The following NAT8L variants were observed in gnomAD, a reference collection of about 807,000 sequenced individuals.
NAT8L encodes N-acetylaspartate synthetase.
NAT8L carries 6 observed loss-of-function variants against 21.2 expected under a neutral mutation model. The observed-to-expected ratio is 0.28, with a 90% CI of 0.16 to 0.56. The LOEUF is 0.56. Among genes scored for constraint, NAT8L ranks in the 20% least tolerant of loss-of-function variants. NAT8L has a pLI of 0.93. For missense variants in NAT8L, 331 were observed against 433.3 expected (o/e 0.76, Z 2.10); for synonymous variants, 239 against 204.9 (o/e 1.17, Z -1.42).
In NAT8L at chr4:2,060,991, C is replaced by A; in HGVS notation, c.377-7C>A. On this transcript the variant is annotated splice_region_variant and splice_polypyrimidine_tract_variant and intron_variant, in intron 1 of 2. Coordinates refer to ENST00000423729, the MANE Select transcript of NAT8L (RefSeq NM_178557.4). The surrounding 1 kb of genome is among the most constrained non-coding windows in gnomAD (Gnocchi z 4.7). Reference sequence around the variant, plus strand: ...CCGCGCCGCTGACCCGCGCCCTCTGCCCCCAGCGCTGTGCTTCGCCGTGAG... The same window carrying A: ...CCGCGCCGCTGACCCGCGCCCTCTGACCCCAGCGCTGTGCTTCGCCGTGAG... 6.0e-6 allele frequency: 9 copies of A among 1,499,708 alleles called. No individual in the cohort carries two copies. The highest frequency in any genetic ancestry group is 7.3e-6 in the Non-Finnish European group (8 of 1,103,424). 92.9% of individuals were successfully genotyped at this position (1,499,708 alleles called of 1,614,324 possible).
In NAT8L at chr4:2,059,497, C is replaced by T. The variant is rs1729809546; in HGVS notation, c.-15C>T. ...CCCGGCCGCGTCCCCGCTGCCGCGC[C>T]GCCCGGCCGGGTGCATGCATTGTGG... On this transcript the variant is annotated 5_prime_UTR_variant, in exon 1 of 3. Coordinates refer to ENST00000423729, the MANE Select transcript of NAT8L (RefSeq NM_178557.4). This position sits in a 1 kb window ranked among gnomAD's most constrained non-coding sequence, Gnocchi z 4.8. 15 of 980,008 alleles carry T rather than the reference C, an allele frequency of 1.5e-5. No individual in the cohort carries two copies. Among genetic ancestry groups the T allele is most frequent in the Non-Finnish European group, 1.8e-5 (15 of 826,790 alleles). 60.7% of individuals were successfully genotyped at this position (980,008 alleles called of 1,614,324 possible).
rs1444965717 is a variant in NAT8L, at chr4:2,060,559, C to T, written c.377-439C>T. On this transcript the variant is annotated intron_variant, in intron 1 of 2. Coordinates refer to ENST00000423729, the MANE Select transcript of NAT8L (RefSeq NM_178557.4). This position sits in a 1 kb window ranked among gnomAD's most constrained non-coding sequence, Gnocchi z 4.7. ...TCCCGGACGCTGGCCAGGAAGGGCT[C>T]TTGCTGGGGCCCTGGGAAGAGGGGG... Among the ~76,000 whole-genome samples the T allele has an allele frequency of 5.3e-5, 8 of 152,294 alleles. No individual in the cohort carries two copies. In the East Asian group the frequency reaches 1.6e-3, roughly 30 times the overall value.
In NAT8L at chr4:2,064,168, C is replaced by T. The variant is rs535937827; in HGVS notation, c.*41C>T. ...CGCCCGCCCCCCCGGCCGCCCTGTC[C>T]GCCTTTGCCCGCCTGCCCGCCGCCC... On this transcript the variant is annotated 3_prime_UTR_variant, in exon 3 of 3. Transcript: ENST00000423729. The T allele has an allele frequency of 1.2e-4, 152 of 1,258,580 alleles. No homozygotes were observed. In the East Asian group the frequency reaches 2.3e-3, roughly 19 times the overall value. The allele number at this position is 1,258,580 out of a possible 1,614,324, so 78.0% of individuals were successfully genotyped here. A position where few individuals can be genotyped will look rare whatever the true frequency, so the allele number is the denominator to read the frequency against.
intron 2 of NAT8L, among the ~76,000 whole-genome samples, chr4:2,062,775 C>T (rs780684184): frequency 1.3e-5 from 2 of 152,142 alleles, no homozygotes; most frequent in African/African-American, 2.4e-5. Context: ...GAGGGCTTCC[C>T]GGGGCTCGGG....
In NAT8L at chr4:2,059,638, C is replaced by G. The variant is rs1257282508; in HGVS notation, c.127C>G (p.Pro43Ala). 1.0e-6 allele frequency: 1 copy of G among 971,908 alleles called. No homozygotes were observed. Among genetic ancestry groups the G allele is most frequent in the Non-Finnish European group, 1.2e-6 (1 of 820,472 alleles). The allele number at this position is 971,908 out of a possible 1,614,324, so 60.2% of individuals were successfully genotyped here. Reference protein sequence around the residue: ...AAAGAMWPPLPAAPGPAAAPP... With the variant: ...AAAGAMWPPLAAAPGPAAAPP... ...CGCCGGCGCCATGTGGCCCCCGCTG[C>G]CCGCCGCGCCCGGGCCGGCCGCCGC... is the stretch of plus-strand genomic sequence containing the variant. The change falls in exon 1 of 3, where the codon CCC (proline) becomes GCC (alanine). Residue 43 changes from proline (P) to alanine (A), a missense_variant. Around this residue, in one of 2 missense-constraint regions of NAT8L, gnomAD observed 199 missense variants for 196.1 expected, o/e 1.01. Transcript: ENST00000423729. This position sits in a 1 kb window ranked among gnomAD's most constrained non-coding sequence, Gnocchi z 4.8.
Position 2,068,817 on chromosome 4 carries a change from AG to A in NAT8L, c.*4693del, listed in dbSNP as rs889525320. The A allele has an allele frequency of 6.6e-6, 1 of 152,068 alleles. No homozygotes were observed. Among genetic ancestry groups the A allele is most frequent in the African/African-American group, 2.4e-5 (1 of 41,358 alleles). The allele number at this position is 152,068 out of a possible 1,614,324, so 9.4% of individuals were successfully genotyped here. A position where few individuals can be genotyped will look rare whatever the true frequency, so the allele number is the denominator to read the frequency against. ...CCTCAGTGGAGCAGGGCCTGGGTGG[AG>A]GGCCTGGGCAGCTCCAGGGCAGGTC... On this transcript the variant is annotated 3_prime_UTR_variant, in exon 3 of 3. Transcript: ENST00000423729.
rs1162422876 is a variant in NAT8L, at chr4:2,060,440, G to C, written c.376+553G>C. Among the ~76,000 whole-genome samples the C allele has an allele frequency of 1.3e-5, 2 of 152,172 alleles. No individual in the cohort carries two copies. The highest frequency in any genetic ancestry group is 2.9e-5 in the Non-Finnish European group (2 of 68,010). ...TTTTACAGATGAGGCGCTTGAGGCC[G>C]CGTAGGGAGGACGCGACTCCCCCAA... On this transcript the variant is annotated intron_variant, in intron 1 of 2. Coordinates refer to ENST00000423729, the MANE Select transcript of NAT8L (RefSeq NM_178557.4). This position sits in a 1 kb window ranked among gnomAD's most constrained non-coding sequence, Gnocchi z 4.7.
rs1577669603 is a variant in NAT8L, at chr4:2,066,423, G to A, written c.*2296G>A. The stretch of plus-strand genomic sequence containing the variant: ...GCCCCTGAGGTGAGCAGAGGCACTG[G>A]TGTGCCTGCCAGGCTGGGGCGGAGC... On this transcript the variant is annotated 3_prime_UTR_variant, in exon 3 of 3. Coordinates refer to ENST00000423729, the MANE Select transcript of NAT8L (RefSeq NM_178557.4). The A allele has an allele frequency of 6.6e-6, 1 of 152,376 alleles. No homozygotes were observed. The highest frequency in any genetic ancestry group is 1.9e-4 in the East Asian group (1 of 5,166). 9.4% of individuals were successfully genotyped at this position (152,376 alleles called of 1,614,324 possible).
At position 2,059,736 on chromosome 4, in the gene NAT8L, G is replaced by C. The variant is rs866410584; in HGVS notation, c.225G>C (p.Gly75=). The change falls in exon 1 of 3, where the codon GGG becomes GGC. Residue 75 remains glycine (G), a synonymous_variant. Transcript: ENST00000423729. This position sits in a 1 kb window ranked among gnomAD's most constrained non-coding sequence, Gnocchi z 4.8. ...GGAGGAGPPG[G]RGVCIREFRA... ...CGGGGGGCGCGGGGCCGCCGGGGGG[G>C]CGCGGCGTGTGCATCCGCGAGTTCC... is the stretch of plus-strand genomic sequence containing the variant. 4.2e-6 allele frequency: 5 copies of C among 1,202,100 alleles called. No homozygotes were observed. The African/African-American group carries it at 4.9e-5, about 12-fold the overall frequency. 74.5% of individuals were successfully genotyped at this position (1,202,100 alleles called of 1,614,324 possible).
At chr4:2,061,383 C>T (rs1729886749) in intron 2 of NAT8L, among the ~76,000 whole-genome samples, 2 of 152,342 alleles carry the variant, frequency 1.3e-5, no homozygotes, top group East Asian at 1.9e-4. Flanking sequence ...GCTGGCCCTG[C>T]GACGCAGTGG....
Position 2,064,300 on chromosome 4 carries a change from T to C in NAT8L, c.*173T>C. 1 of 308,344 alleles carries C rather than the reference T, an allele frequency of 3.2e-6. No homozygotes were observed. Among genetic ancestry groups the C allele is most frequent in the Non-Finnish European group, 5.4e-6 (1 of 185,618 alleles). The allele number at this position is 308,344 out of a possible 1,614,324, so 19.1% of individuals were successfully genotyped here. On this transcript the variant is annotated 3_prime_UTR_variant, in exon 3 of 3. Transcript: ENST00000423729. Reference sequence around the variant, plus strand: ...CCGGGGGGTGCGGGGCTGTTGTTCTTCGGCGACACTTTGGTGGGGGTGGGT... The same window carrying C: ...CCGGGGGGTGCGGGGCTGTTGTTCTCCGGCGACACTTTGGTGGGGGTGGGT...
chr4:2,063,722 T>C, intron 2 of NAT8L, 38 bp from the exon 3 acceptor site: 1 of 1,606,264 alleles, frequency 6.2e-7, no homozygotes, highest in Non-Finnish European at 8.5e-7. Flanking sequence ...TCCCCAGCCT[T>C]CCTCACCGGG....
rs1560943972 is a variant in NAT8L, at chr4:2,060,924, G to A, written c.377-74G>A. 9.0e-6 allele frequency: 7 copies of A among 775,094 alleles called. No homozygotes were observed. In the Admixed American group the frequency reaches 1.1e-4, roughly 12 times the overall value. 48.0% of individuals were successfully genotyped at this position (775,094 alleles called of 1,614,324 possible). Reference sequence around the variant, plus strand: ...CGCGGCCGGGCGCGGCGTCCCTAGCGGGCTTCGCCGGGGTGGCGTCTCTGG... The same window carrying A: ...CGCGGCCGGGCGCGGCGTCCCTAGCAGGCTTCGCCGGGGTGGCGTCTCTGG... On this transcript the variant is annotated intron_variant, in intron 1 of 2. Transcript: ENST00000423729. This position sits in a 1 kb window ranked among gnomAD's most constrained non-coding sequence, Gnocchi z 4.7.
chr4:2,063,712 TC>T, intron 2 of NAT8L, 47 bp from the exon 3 acceptor site: 2 of 1,603,798 alleles, frequency 1.2e-6, no homozygotes. Context: ...TGGAGGGGTC[TC>T]CCCAGCCTTC....
Position 2,063,800 on chromosome 4 carries a change from G to A in NAT8L, c.582G>A (p.Val194=). The change falls in exon 3 of 3, where the codon GTG becomes GTA. Residue 194 remains valine, a synonymous_variant. Transcript: ENST00000423729. ...TGGCCGTGCTGGATGGCAACGTGGT[G>A]GGCATTGTGGCTGCACGGGCCCACG... ...FWVAVLDGNV[V]GIVAARAHEE... The A allele has an allele frequency of 1.2e-6, 2 of 1,612,312 alleles. No individual in the cohort carries two copies. The highest frequency in any genetic ancestry group is 2.2e-5 in the South Asian group (2 of 91,086).
chr4:2,063,979 C>T lies in NAT8L; in HGVS notation c.761C>T (p.Ala254Val). The T allele has an allele frequency of 6.2e-7, 1 of 1,611,608 alleles. No individual in the cohort carries two copies. Reference protein sequence around the residue: ...VVLGTTAVKVAAHKLYESLGF... With the variant: ...VVLGTTAVKVVAHKLYESLGF... ...CTGGGCACGACGGCCGTCAAGGTGG[C>T]CGCCCACAAGCTCTACGAGTCGCTG... The change falls in exon 3 of 3, where the codon GCC (alanine) becomes GTC (valine). Residue 254 changes from alanine to valine, a missense_variant. Coordinates refer to ENST00000423729, the MANE Select transcript of NAT8L (RefSeq NM_178557.4).
At position 2,064,067 on chromosome 4, in the gene NAT8L, T is replaced by C. The variant is rs1246666872; in HGVS notation, c.849T>C (p.Ala283=). ...YVLPGMTLSL[A]ERLFFQVRYH... ...TGCCGGGCATGACCCTCTCGCTGGCTGAGCGCCTCTTCTTCCAGGTCCGCT... is the reference window on the plus strand; with the variant it reads ...TGCCGGGCATGACCCTCTCGCTGGCCGAGCGCCTCTTCTTCCAGGTCCGCT... The change falls in exon 3 of 3, where the codon GCT becomes GCC. Residue 283 remains alanine (A), a synonymous_variant. Transcript: ENST00000423729. 3 of 1,609,420 alleles carry C rather than the reference T, an allele frequency of 1.9e-6. No homozygotes were observed. Among genetic ancestry groups the C allele is most frequent in the South Asian group, 1.1e-5 (1 of 90,928 alleles).
At position 2,067,019 on chromosome 4, in the gene NAT8L, A is replaced by C. The variant is rs932247175; in HGVS notation, c.*2892A>C. 4 of 152,418 alleles carry C rather than the reference A, an allele frequency of 2.6e-5. No homozygotes were observed. The highest frequency in any genetic ancestry group is 5.9e-5 in the Non-Finnish European group (4 of 68,204). The allele number at this position is 152,418 out of a possible 1,614,324, so 9.4% of individuals were successfully genotyped here. A position where few individuals can be genotyped will look rare whatever the true frequency, so the allele number is the denominator to read the frequency against. On this transcript the variant is annotated 3_prime_UTR_variant, in exon 3 of 3. Coordinates refer to ENST00000423729, the MANE Select transcript of NAT8L (RefSeq NM_178557.4). Reference sequence around the variant, plus strand: ...CCTCGGGATGCCCCACACTGCCCAGAGCCACGGGTCTTGCTGTGCTGGGGG... The same window carrying C: ...CCTCGGGATGCCCCACACTGCCCAGCGCCACGGGTCTTGCTGTGCTGGGGG...
In NAT8L at chr4:2,067,073, C is replaced by G. The variant is rs2108682236; in HGVS notation, c.*2946C>G. On this transcript the variant is annotated 3_prime_UTR_variant, in exon 3 of 3. Coordinates refer to ENST00000423729, the MANE Select transcript of NAT8L (RefSeq NM_178557.4). Reference sequence around the variant, plus strand: ...GGTGGCCCCAGGCAGCTGCCACTGCCCAGGTGTGAGTCGCTGCAGACCTGG... The same window carrying G: ...GGTGGCCCCAGGCAGCTGCCACTGCGCAGGTGTGAGTCGCTGCAGACCTGG... The G allele has an allele frequency of 6.6e-6, 1 of 152,652 alleles. No homozygotes were observed. Among genetic ancestry groups the G allele is most frequent in the East Asian group, 1.9e-4 (1 of 5,196 alleles). The allele number at this position is 152,652 out of a possible 1,614,324, so 9.5% of individuals were successfully genotyped here.
Sources: allele counts gnomAD v4.1 joint callset (sites outside exome capture counted in the v4.1 genomes callset), GRCh38; gene constraint gnomAD v4.1.1; regional missense constraint gnomAD v4.1.1; non-coding constraint Gnocchi (gnomAD v3.1); transcripts MANE v1.5; gene names NCBI Gene and HGNC (gene_info 2026-07-23, HGNC 2026-07-21).